Variants in PFKFB3 observed in about 807,000 individuals in gnomAD.
PFKFB3 encodes 6-phosphofructo-2-kinase/fructose-2,6-biphosphatase 3.
In PFKFB3, 33 loss-of-function variants were observed where a neutral mutation model predicts 68.0. That is an observed-to-expected ratio of 0.49 (90% CI 0.37 to 0.65). The LOEUF (loss-of-function observed/expected upper bound fraction) is 0.65. PFKFB3 is among the 30% of genes least tolerant of loss of function. The pLI is 0.00. For synonymous variants in PFKFB3, 315 were observed against 288.2 expected (o/e 1.09, Z -0.94); for missense variants, 586 against 712.2 (o/e 0.82, Z 2.02).
intron 1 of PFKFB3, among the ~76,000 whole-genome samples, chr10:6,168,280 A>T (rs1842200153): frequency 6.6e-6 from 1 of 152,152 alleles, no homozygotes; most frequent in Non-Finnish European, 1.5e-5. Context: ...ACCCACACTG[A>T]CCATGCTTGT....
chr10:6,166,537 G>T (rs2131730466), intron 1 of PFKFB3, among the ~76,000 whole-genome samples: 1 of 152,268 alleles, frequency 6.6e-6, no homozygotes, highest in South Asian at 2.1e-4. Context: ...GGACTGGAGG[G>T]TTTGCCCAGC....
rs377358161 is a variant in PFKFB3 at position 6,228,184 on chromosome 10, T to A, written c.1515+1819T>A. ...CTCCTGACTGACTTCTCTCTCTGCTTCTCCTCCGCAGCCTTTGCTAGGGCA... is the reference window on the plus strand; with the variant it reads ...CTCCTGACTGACTTCTCTCTCTGCTACTCCTCCGCAGCCTTTGCTAGGGCA... On this transcript the variant is annotated intron_variant, in intron 14 of 14. Transcript: ENST00000379775. This position sits in a 1 kb window ranked among gnomAD's most constrained non-coding sequence, Gnocchi z 4.5. 3.1e-6 allele frequency: 5 copies of A among 1,612,778 alleles called. No individual in the cohort carries two copies. The Admixed American group carries it at 8.3e-5, about 27-fold the overall frequency.
At chr10:6,306,485 C>CA in the PFKFB3 span, among the ~76,000 whole-genome samples, 1 of 152,242 alleles carries the variant, frequency 6.6e-6, no homozygotes, top group Non-Finnish European at 1.5e-5. Flanking sequence ...AGGCCATCAT[C>CA]ACAATGTGGT....
At chr10:6,267,288 A>T in the PFKFB3 span, among the ~76,000 whole-genome samples, 1 of 152,240 alleles carries the variant, frequency 6.6e-6, no homozygotes, top group Non-Finnish European at 1.5e-5. Context: ...CCGCTTGATA[A>T]CGCTCATGTT....
At chr10:6,245,473 G>C (rs1846235912) in intron 14 of PFKFB3, among the ~76,000 whole-genome samples, 1 of 151,852 alleles carries the variant, frequency 6.6e-6, no homozygotes, top group East Asian at 1.9e-4. Flanking sequence ...CTGGAGTGCA[G>C]TGGTGCGATC....
At chr10:6,147,429 T>C (rs1322822551) in intron 1 of PFKFB3, among the ~76,000 whole-genome samples, 2 of 152,202 alleles carry the variant, frequency 1.3e-5, no homozygotes, top group African/African-American at 4.8e-5. Flanking sequence ...GCTGTGCTTC[T>C]GCCTCTTGAC....
chr10:6,256,909 T>G (rs141631873), downstream of PFKFB3, among the ~76,000 whole-genome samples: 1 of 152,222 alleles, frequency 6.6e-6, no homozygotes, highest in South Asian at 2.1e-4. Context: ...TTTTCAGAGG[T>G]TTCCTAGACA....
At chr10:6,158,432 G>A (rs973401063) in intron 1 of PFKFB3, among the ~76,000 whole-genome samples, 1 of 152,186 alleles carries the variant, frequency 6.6e-6, no homozygotes, top group East Asian at 1.9e-4. Context: ...CTGTGTGCCC[G>A]GTAGAAATGA....
chr10:6,157,529 A>T (rs572943663), intron 1 of PFKFB3, among the ~76,000 whole-genome samples: 41 of 152,040 alleles, frequency 2.7e-4, no homozygotes, highest in Middle Eastern at 6.8e-3. Flanking sequence ...CCCAGCCAAT[A>T]GTTGTGTCTT....
At chr10:6,290,217 C>T in the PFKFB3 span, among the ~76,000 whole-genome samples, 1 of 151,854 alleles carries the variant, frequency 6.6e-6, no homozygotes, top group Non-Finnish European at 1.5e-5. Context: ...GCCTGATTGC[C>T]CTGGCCAGAA....
At chr10:6,205,138 C>G (rs76525357) in intron 1 of PFKFB3, among the ~76,000 whole-genome samples, 5 of 152,186 alleles carry the variant, frequency 3.3e-5, no homozygotes, top group African/African-American at 1.2e-4. Context: ...TCTTTTGTCC[C>G]GCCTACTGCT....
chr10:6,219,609 C>T lies in PFKFB3; in HGVS notation c.539C>T (p.Ser180Leu), dbSNP rs768274515. 1.6e-5 allele frequency: 26 copies of T among 1,613,650 alleles called. No homozygotes were observed. Among genetic ancestry groups the T allele is most frequent in the African/African-American group, 5.3e-5 (4 of 74,868 alleles). Residue 180 changes from serine to leucine, a missense_variant, in exon 7 of 15, where the codon TCG (serine) becomes TTG (leucine). Coordinates refer to ENST00000379775, the MANE Select transcript of PFKFB3 (RefSeq NM_004566.4). ...ISSPDYKDCN[S>L]AEAMDDFMKR... Reference sequence around the variant, plus strand: ...AGCCCGGATTACAAAGACTGCAACTCGGCAGAAGCCATGGACGACTTCATG... The same window carrying T: ...AGCCCGGATTACAAAGACTGCAACTTGGCAGAAGCCATGGACGACTTCATG...
chr10:6,231,748 A>G (rs762230873), intron 14 of PFKFB3, among the ~76,000 whole-genome samples: 130 of 151,876 alleles, frequency 8.6e-4, no homozygotes, highest in Admixed American at 8.5e-4. Context: ...CATCACTTCC[A>G]TCATCCTTCG....
chr10:6,185,709 G>A lies in PFKFB3; in HGVS notation c.17-27914G>A, dbSNP rs185983063. On this transcript the variant is annotated intron_variant, in intron 1 of 14. Coordinates refer to the PFKFB3 transcript ENST00000379789. ...AGGCTGGAGTGCAATGTGAGATTTC[G>A]GCTCACTGCAACCTCTGCCTCCTGG... Among the ~76,000 whole-genome samples the A allele has an allele frequency of 7.2e-5, 10 of 138,458 alleles. No homozygotes were observed. The East Asian group carries it at 1.8e-3, about 24-fold the overall frequency. The allele number at this position is 138,458 out of a possible 152,430, so 90.8% of individuals were successfully genotyped here. A position where few individuals can be genotyped will look rare whatever the true frequency, so the allele number is the denominator to read the frequency against.
upstream of PFKFB3, among the ~76,000 whole-genome samples, chr10:6,200,040 AAAACC>A (rs976758122): frequency 1.4e-4 from 16 of 113,500 alleles, no homozygotes; most frequent in East Asian, 1.0e-3. Context: ...ACAAACCAAC[AAAACC>A]AACAAAAACC....
In PFKFB3 at chr10:6,228,066, T is replaced by G. The variant is rs1845472523; in HGVS notation, c.1515+1701T>G. Reference sequence around the variant, plus strand: ...GCCCCTGGCGTTGGGAGGACAGTCCTTCAGGGTGGCCAGGTTCTTAGGGAC... The same window carrying G: ...GCCCCTGGCGTTGGGAGGACAGTCCGTCAGGGTGGCCAGGTTCTTAGGGAC... On this transcript the variant is annotated intron_variant, in intron 14 of 14. Transcript: ENST00000379775. The surrounding 1 kb of genome is among the most constrained non-coding windows in gnomAD (Gnocchi z 4.5). The G allele has an allele frequency of 2.1e-6, 2 of 936,756 alleles. No individual in the cohort carries two copies. The highest frequency in any genetic ancestry group is 3.4e-6 in the Non-Finnish European group (2 of 583,372). 58.0% of individuals were successfully genotyped at this position (936,756 alleles called of 1,614,324 possible).
intron 14 of PFKFB3, among the ~76,000 whole-genome samples, chr10:6,250,724 C>T (rs1477898821): frequency 2.0e-5 from 3 of 152,178 alleles, no homozygotes; most frequent in African/African-American, 7.2e-5. Flanking sequence ...GAGGACACAG[C>T]AGGAAGGCCC....
At chr10:6,197,659 A>C (rs1482290903) in intron 1 of PFKFB3, 2 of 151,966 alleles carry the variant, frequency 1.3e-5, no homozygotes, top group Non-Finnish European at 2.9e-5. Flanking sequence ...AAACATATTC[A>C]TTATTCCTTA....
chr10:6,285,796 G>A, the PFKFB3 span, among the ~76,000 whole-genome samples: 40 of 152,122 alleles, frequency 2.6e-4, no homozygotes, highest in Non-Finnish European at 4.1e-4. Context: ...CCTCGTGTAA[G>A]TGGAATCATG....
Sources: allele counts gnomAD v4.1 joint callset (sites outside exome capture counted in the v4.1 genomes callset), GRCh38; gene constraint gnomAD v4.1.1; non-coding constraint Gnocchi (gnomAD v3.1); transcripts MANE v1.5; gene names NCBI Gene and HGNC (gene_info 2026-07-23, HGNC 2026-07-21).